Variants in SAMMSON observed in about 807,000 individuals in gnomAD.
The protein encoded by SAMMSON is long intergenic non-protein coding RNA 1212.
At chr3:70,339,350 C>G (rs1328550781) in intron 7 of SAMMSON, among the ~76,000 whole-genome samples, 1 of 152,128 alleles carries the variant, frequency 6.6e-6, no homozygotes, top group African/African-American at 2.4e-5. Context: ...TGGGCAAGGA[C>G]TTCATGACTA....
chr3:70,346,484 A>G (rs988401065), intron 7 of SAMMSON, among the ~76,000 whole-genome samples: 3 of 152,006 alleles, frequency 2.0e-5, no homozygotes, highest in African/African-American at 2.4e-5. Flanking sequence ...AGGTTTACTT[A>G]TTTGCATATA....
chr3:70,007,728 A>G (rs911728904), intron 1 of SAMMSON, among the ~76,000 whole-genome samples: 19 of 152,040 alleles, frequency 1.2e-4, no homozygotes, highest in African/African-American at 3.1e-4. Context: ...GCCCATGCCT[A>G]TGTCCTGAAT....
chr3:70,413,305 C>T (rs1421608548), intron 2 of SAMMSON, among the ~76,000 whole-genome samples: 1 of 152,064 alleles, frequency 6.6e-6, no homozygotes, highest in Non-Finnish European at 1.5e-5. Flanking sequence ...CCTCAATGGC[C>T]GTTTAGGCTA....
intron 7 of SAMMSON, among the ~76,000 whole-genome samples, chr3:70,342,814 T>A (rs1702721773): frequency 6.6e-6 from 1 of 152,200 alleles, no homozygotes; most frequent in Non-Finnish European, 1.5e-5. Context: ...TAGGTCTCTT[T>A]CATCTTTGAA....
chr3:70,033,101 G>A (rs2067071775), intron 3 of SAMMSON, among the ~76,000 whole-genome samples: 1 of 152,082 alleles, frequency 6.6e-6, no homozygotes, highest in African/African-American at 2.4e-5. Flanking sequence ...TGACGTGAGG[G>A]GATGGAAGCC....
chr3:70,101,919 A>T (rs530175497), intron 4 of SAMMSON, among the ~76,000 whole-genome samples: 1 of 152,334 alleles, frequency 6.6e-6, no homozygotes, highest in Non-Finnish European at 1.5e-5. Context: ...AAAAGTTATG[A>T]GGTTTTGTAA....
At chr3:70,091,236 T>C (rs2067303728) in intron 4 of SAMMSON, among the ~76,000 whole-genome samples, 1 of 152,198 alleles carries the variant, frequency 6.6e-6, no homozygotes. Context: ...TTCAAGGCAC[T>C]TGGGAGATGA....
At chr3:70,124,814 CAAAAAAAAAAAAA>C (rs1208323683) in intron 4 of SAMMSON, among the ~76,000 whole-genome samples, 3 of 53,692 alleles carry the variant, frequency 5.6e-5, no homozygotes, top group African/African-American at 2.2e-4. Flanking sequence ...GACTCCATCT[CAAAAAAAAAAAAA>C]AAAAAAAAAA....
chr3:70,377,226 G>T (rs1026332472), intron 9 of SAMMSON, among the ~76,000 whole-genome samples: 3 of 152,080 alleles, frequency 2.0e-5, no homozygotes. Context: ...GAGAAATCAT[G>T]GGAGATAGTT....
chr3:70,197,897 A>G (rs1701197398), intron 4 of SAMMSON, among the ~76,000 whole-genome samples: 2 of 152,188 alleles, frequency 1.3e-5, no homozygotes. Context: ...TTAAAAATTT[A>G]CTACACAGGC....
chr3:70,331,684 T>C (rs1702622642), intron 7 of SAMMSON, among the ~76,000 whole-genome samples: 1 of 152,222 alleles, frequency 6.6e-6, no homozygotes, highest in South Asian at 2.1e-4. Flanking sequence ...ACATAAATGA[T>C]AGAATAAAGC....
At chr3:70,065,285 A>G (rs1022860471) in intron 3 of SAMMSON, 4 of 152,220 alleles carry the variant, frequency 2.6e-5, no homozygotes, top group African/African-American at 9.6e-5. Context: ...ATACGGGGAG[A>G]TAATTAACAT....
At chr3:70,014,664 A>G (rs1357800720) in intron 3 of SAMMSON, 1 of 152,196 alleles carries the variant, frequency 6.6e-6, no homozygotes, top group East Asian at 1.9e-4. Flanking sequence ...GAATGTCTTT[A>G]GGGACAGAAC....
chr3:70,361,200 T>C lies in SAMMSON; in HGVS notation n.913+2876T>C, dbSNP rs545476352. Among the ~76,000 whole-genome samples the C allele has an allele frequency of 8.9e-4, 136 of 152,240 alleles. 1 individual carries two copies. In the South Asian group the frequency reaches 0.012, roughly 13 times the overall value. ...TTTCTCTTTGAAAACCCCTGTAGTC[T>C]CCTTGTGAGTCATCATCCTGGTTGT... On this transcript the variant is annotated intron_variant and non_coding_transcript_variant, in intron 9 of 9. Transcript: ENST00000642114.
chr3:70,029,123 G>A (rs941788171), intron 3 of SAMMSON, among the ~76,000 whole-genome samples: 5 of 152,170 alleles, frequency 3.3e-5, no homozygotes, highest in Non-Finnish European at 5.9e-5. Flanking sequence ...GCATGTGATA[G>A]GAAGTATCAA....
At chr3:70,254,583 G>T (rs1473891407) in intron 6 of SAMMSON, among the ~76,000 whole-genome samples, 3 of 152,102 alleles carry the variant, frequency 2.0e-5, no homozygotes, top group Non-Finnish European at 2.9e-5. Context: ...GGTGGCAGAG[G>T]TTATCATACT....
At chr3:70,329,068 T>A (rs1232696621) in intron 7 of SAMMSON, among the ~76,000 whole-genome samples, 3 of 152,136 alleles carry the variant, frequency 2.0e-5, no homozygotes, top group Non-Finnish European at 4.4e-5. Flanking sequence ...AGCAATACAG[T>A]ACCAAATTTT....
chr3:70,345,189 A>T (rs1345275242), intron 7 of SAMMSON, among the ~76,000 whole-genome samples: 1 of 152,132 alleles, frequency 6.6e-6, no homozygotes, highest in Non-Finnish European at 1.5e-5. Flanking sequence ...CTCCTGCTCC[A>T]ACAGAGTAAT....
intron 1 of SAMMSON, among the ~76,000 whole-genome samples, chr3:70,008,020 C>T (rs2066935812): frequency 6.6e-6 from 1 of 152,046 alleles, no homozygotes; most frequent in Non-Finnish European, 1.5e-5. Flanking sequence ...TGTTTTGGTA[C>T]CAGTACCATG....
Sources: allele counts gnomAD v4.1 joint callset (sites outside exome capture counted in the v4.1 genomes callset), GRCh38; gene constraint gnomAD v4.1.1; transcripts MANE v1.5; gene names NCBI Gene and HGNC (gene_info 2026-07-23, HGNC 2026-07-21).